The following LINGO2 variants were observed in gnomAD, a reference collection of about 807,000 sequenced individuals.
LINGO2 encodes leucine-rich repeat and immunoglobulin-like domain-containing nogo receptor-interacting protein 2.
A neutral mutation model predicts 30.6 loss-of-function variants in LINGO2; 14 were observed. That is an observed-to-expected ratio of 0.46 (90% CI 0.30 to 0.72). The LOEUF is 0.72. Among genes scored for constraint, LINGO2 ranks in the 30% least tolerant of loss-of-function variants. LINGO2 has a pLI of 0.07. For missense variants in LINGO2, 729 were observed against 751.7 expected, an observed-to-expected ratio of 0.97 and a Z score of 0.35; for synonymous variants, 317 against 288.5, an observed-to-expected ratio of 1.10 and a Z score of -1.00.
chr9:28,417,678 G>A lies in LINGO2; in HGVS notation c.-278-44810C>T, dbSNP rs143259027. On this transcript the variant is annotated intron_variant, in intron 2 of 5. Transcript: ENST00000379992. ...TTCAAGAAGACATCCCTAACAAAATGCCATTCCTACTTTCAATAGTGTGTC... is the reference window on the plus strand; with the variant it reads ...TTCAAGAAGACATCCCTAACAAAATACCATTCCTACTTTCAATAGTGTGTC... Among the ~76,000 whole-genome samples, 112 of 152,190 alleles carry A rather than the reference G, an allele frequency of 7.4e-4. 1 individual carries two copies. The highest frequency in any genetic ancestry group is 2.4e-3 in the African/African-American group (101 of 41,552).
the LINGO2 span, among the ~76,000 whole-genome samples, chr9:28,839,440 A>G: frequency 0.79 from 120,164 of 151,936 alleles, 47,571 homozygotes; most frequent in East Asian, 0.89. Flanking sequence ...AGAGTAGGTA[A>G]CTCCTATCTG....
At chr9:28,763,928 T>A in the LINGO2 span, among the ~76,000 whole-genome samples, 1 of 151,474 alleles carries the variant, frequency 6.6e-6, no homozygotes, top group African/African-American at 2.4e-5. Flanking sequence ...CTATAGCAAA[T>A]GAAAAAATTC....
the LINGO2 span, among the ~76,000 whole-genome samples, chr9:29,053,751 T>C: frequency 6.6e-6 from 1 of 152,136 alleles, no homozygotes; most frequent in Non-Finnish European, 1.5e-5. Flanking sequence ...TAGATTGTCA[T>C]TGTATTTCAA....
the LINGO2 span, among the ~76,000 whole-genome samples, chr9:29,210,079 A>G: frequency 1.3e-5 from 2 of 152,210 alleles, no homozygotes; most frequent in African/African-American, 4.8e-5. Context: ...CAAGCCAATT[A>G]ATTTGTGACA....
At chr9:28,796,581 A>T in the LINGO2 span, among the ~76,000 whole-genome samples, 1 of 152,130 alleles carries the variant, frequency 6.6e-6, no homozygotes, top group Non-Finnish European at 1.5e-5. Context: ...AACTGAAAAT[A>T]GGAAGGTGTC....
the LINGO2 span, among the ~76,000 whole-genome samples, chr9:28,862,691 A>G: frequency 1.8e-3 from 267 of 152,226 alleles, 1 homozygote; most frequent in Admixed American, 2.8e-3. Context: ...CAGATGTGTC[A>G]CTTAAGAAAT....
intron 1 of LINGO2, among the ~76,000 whole-genome samples, chr9:28,628,696 A>C (rs1826796991): frequency 6.6e-6 from 1 of 152,098 alleles, no homozygotes; most frequent in Non-Finnish European, 1.5e-5. Context: ...CTTGGTACCT[A>C]GTCTCTTGAT....
At chr9:28,074,317 A>G (rs1180889183) in intron 4 of LINGO2, among the ~76,000 whole-genome samples, 1 of 152,202 alleles carries the variant, frequency 6.6e-6, no homozygotes, top group Non-Finnish European at 1.5e-5. Context: ...CTGTAATGAT[A>G]GTGTAAATCC....
the LINGO2 span, among the ~76,000 whole-genome samples, chr9:29,141,677 A>G: frequency 2.6e-5 from 4 of 151,904 alleles, no homozygotes; most frequent in Admixed American, 2.0e-4. Flanking sequence ...ATTTAAGGAC[A>G]CACATAGGCT....
intron 1 of LINGO2, among the ~76,000 whole-genome samples, chr9:28,627,526 C>T (rs927337036): frequency 2.0e-5 from 3 of 151,964 alleles, no homozygotes; most frequent in African/African-American, 7.2e-5. Flanking sequence ...TGGAAAATGC[C>T]TCCAGACAGA....
the LINGO2 span, among the ~76,000 whole-genome samples, chr9:28,782,717 G>C: frequency 6.6e-6 from 1 of 152,194 alleles, no homozygotes; most frequent in Admixed American, 6.5e-5. Flanking sequence ...CTAGCATCAT[G>C]GGAATTAACT....
At chr9:27,990,304 A>C (rs573017570) in intron 5 of LINGO2, among the ~76,000 whole-genome samples, 177 of 152,158 alleles carry the variant, frequency 1.2e-3, no homozygotes, top group African/African-American at 4.1e-3. Context: ...CTGACTGATT[A>C]AATATCTGTT....
chr9:27,942,476 A>G, the LINGO2 span: 1 of 152,314 alleles, frequency 6.6e-6, no homozygotes, highest in Non-Finnish European at 1.5e-5. Flanking sequence ...TTACATGTTA[A>G]TAAGTTAATT....
intron 4 of LINGO2, among the ~76,000 whole-genome samples, chr9:28,230,882 C>A (rs1177674555): frequency 1.3e-5 from 2 of 151,694 alleles, no homozygotes; most frequent in Non-Finnish European, 3.0e-5. Flanking sequence ...CAGTTTTACC[C>A]AATATATTTT....
chr9:28,940,654 T>C, the LINGO2 span, among the ~76,000 whole-genome samples: 1 of 152,118 alleles, frequency 6.6e-6, no homozygotes, highest in African/African-American at 2.4e-5. Flanking sequence ...CATTAAAACT[T>C]TGTATGTGCA....
chr9:29,187,780 ATTTTT>A, the LINGO2 span, among the ~76,000 whole-genome samples: 6 of 118,830 alleles, frequency 5.0e-5, no homozygotes, highest in East Asian at 2.4e-4. Context: ...ATACATTTCA[ATTTTT>A]TTTTTTTTTT....
intron 4 of LINGO2, among the ~76,000 whole-genome samples, chr9:28,110,879 T>C (rs1826760573): frequency 6.6e-6 from 1 of 152,150 alleles, no homozygotes; most frequent in African/African-American, 2.4e-5. Context: ...AGCAATCTCA[T>C]TACTGGGTAT....
intron 4 of LINGO2, among the ~76,000 whole-genome samples, chr9:28,167,881 A>C (rs1425352405): frequency 6.6e-6 from 1 of 152,220 alleles, no homozygotes; most frequent in Non-Finnish European, 1.5e-5. Flanking sequence ...TCGATTGGGC[A>C]CAGTAGTCAT....
intron 2 of LINGO2, among the ~76,000 whole-genome samples, chr9:28,410,262 T>C (rs1395859390): frequency 6.6e-6 from 1 of 152,072 alleles, no homozygotes; most frequent in Non-Finnish European, 1.5e-5. Context: ...TATTTTATAA[T>C]TTGTATATGA....
Sources: allele counts gnomAD v4.1 joint callset (sites outside exome capture counted in the v4.1 genomes callset), GRCh38; gene constraint gnomAD v4.1.1; transcripts MANE v1.5; gene names NCBI Gene and HGNC (gene_info 2026-07-23, HGNC 2026-07-21).